The following OSBPL10 variants were observed in gnomAD, a reference collection of about 807,000 sequenced individuals.
OSBPL10 encodes the protein oxysterol-binding protein-related protein 10.
A neutral mutation model predicts 81.7 loss-of-function variants in OSBPL10; 49 were observed. The observed-to-expected ratio is 0.60, with a 90% CI of 0.48 to 0.76. OSBPL10 has a LOEUF of 0.76. Among genes scored for constraint, OSBPL10 ranks in the 30% least tolerant of loss-of-function variants. The pLI is 0.00. For missense variants in OSBPL10, 923 were observed against 987.8 expected (o/e 0.93, Z 0.88); for synonymous variants, 419 against 383.6 (o/e 1.09, Z -1.08).
intron 1 of OSBPL10, among the ~76,000 whole-genome samples, chr3:32,071,817 A>T (rs1699831309): frequency 6.6e-6 from 1 of 151,910 alleles, no homozygotes; most frequent in Non-Finnish European, 1.5e-5. Context: ...AGCCTCCCAC[A>T]TTGTTCCTGA....
In OSBPL10 at chr3:31,694,983, A is replaced by G. The variant is rs896407277; in HGVS notation, c.1245+7376T>C. Among the ~76,000 whole-genome samples the G allele has an allele frequency of 3.3e-5, 5 of 152,062 alleles. No individual in the cohort carries two copies. In the South Asian group the frequency reaches 8.3e-4, roughly 25 times the overall value. ...TGGTCAGGCTGGTCTCAAACTCCCA[A>G]CCTCAGGTGATCCGCCCACCTCAAC... On this transcript the variant is annotated intron_variant, in intron 7 of 11. Transcript: ENST00000396556.
intron 1 of OSBPL10, among the ~76,000 whole-genome samples, chr3:31,951,706 GTTAAT>G (rs921765193): frequency 4.0e-5 from 6 of 150,424 alleles, no homozygotes; most frequent in Non-Finnish European, 3.0e-5. Context: ...ATATATAAAT[GTTAAT>G]TTAAACTATA....
intron 6 of OSBPL10, among the ~76,000 whole-genome samples, chr3:31,729,531 C>G (rs894700099): frequency 7.2e-5 from 11 of 152,160 alleles, no homozygotes; most frequent in African/African-American, 2.7e-4. Flanking sequence ...AAGCAATTCT[C>G]CTGCCTCAGC....
intron 1 of OSBPL10, among the ~76,000 whole-genome samples, chr3:31,916,614 G>A (rs1696765963): frequency 6.6e-6 from 1 of 152,124 alleles, no homozygotes; most frequent in Admixed American, 6.6e-5. Context: ...CAATGAGTAA[G>A]CTAATCAATA....
chr3:32,010,363 C>G (rs1575084950), intron 2 of OSBPL10, among the ~76,000 whole-genome samples: 1 of 152,150 alleles, frequency 6.6e-6, no homozygotes, highest in East Asian at 1.9e-4. Flanking sequence ...TTCATGGCAG[C>G]CCTAGCAGAC....
Position 31,827,299 on chromosome 3 carries a change from C to A in OSBPL10, c.729+2741G>T, listed in dbSNP as rs190691933. ...GATAGACAACAGAGAAAAAACAATACGATAAAGGAAAAAAAAAAGCATACG... is the reference window on the plus strand; with the variant it reads ...GATAGACAACAGAGAAAAAACAATAAGATAAAGGAAAAAAAAAAGCATACG... On this transcript the variant is annotated intron_variant, in intron 4 of 11. Coordinates refer to ENST00000396556, the MANE Select transcript of OSBPL10 (RefSeq NM_017784.5). Among the ~76,000 whole-genome samples, 5 of 151,056 alleles carry A rather than the reference C, an allele frequency of 3.3e-5. No homozygotes were observed. The South Asian group carries it at 1.0e-3, about 32-fold the overall frequency.
chr3:31,703,144 T>C (rs1318058362), intron 6 of OSBPL10, among the ~76,000 whole-genome samples: 1 of 152,164 alleles, frequency 6.6e-6, no homozygotes, highest in Non-Finnish European at 1.5e-5. Context: ...TCGATGCAAG[T>C]TTATTAATTC....
intron 1 of OSBPL10, among the ~76,000 whole-genome samples, chr3:31,927,128 C>T (rs755166258): frequency 6.6e-6 from 1 of 151,922 alleles, no homozygotes; most frequent in African/African-American, 2.4e-5. Context: ...ACAACAACAA[C>T]AAAAAGTCAA....
At chr3:31,766,259 T>C (rs913920291) in intron 4 of OSBPL10, among the ~76,000 whole-genome samples, 5 of 151,270 alleles carry the variant, frequency 3.3e-5, no homozygotes, top group Non-Finnish European at 5.9e-5. Context: ...TGGACACAGA[T>C]CCCCCACTTC....
At chr3:32,034,008 A>G (rs925941711) in intron 2 of OSBPL10, among the ~76,000 whole-genome samples, 4 of 152,188 alleles carry the variant, frequency 2.6e-5, no homozygotes, top group Admixed American at 6.5e-5. Flanking sequence ...ACTTACAATC[A>G]TGGCGGCTGG....
At chr3:31,928,975 CAG>C (rs1559521564) in intron 1 of OSBPL10, among the ~76,000 whole-genome samples, 1 of 152,232 alleles carries the variant, frequency 6.6e-6, no homozygotes, top group East Asian at 1.9e-4. Context: ...AATAGCATCG[CAG>C]AGACATCCAA....
chr3:31,737,698 A>G (rs79919230), intron 5 of OSBPL10, among the ~76,000 whole-genome samples: 9,391 of 152,238 alleles, frequency 0.062, 522 homozygotes, highest in African/African-American at 0.15. Context: ...GAGGCAGAAG[A>G]CAATAGAGAA....
Position 31,673,230 on chromosome 3 carries a change from C to T in OSBPL10, c.1727-2247G>A, listed in dbSNP as rs573228684. Among the ~76,000 whole-genome samples the T allele has an allele frequency of 5.1e-4, 78 of 152,286 alleles. 1 individual carries two copies. The highest frequency in any genetic ancestry group is 1.8e-3 in the African/African-American group (76 of 41,566). On this transcript the variant is annotated intron_variant, in intron 8 of 11. Coordinates refer to ENST00000396556, the MANE Select transcript of OSBPL10 (RefSeq NM_017784.5). ...AGAATTAGACATTGGTGTTTCAATCCTGATAGTTTCTGATCAGGACCCTTG... is the reference window on the plus strand; with the variant it reads ...AGAATTAGACATTGGTGTTTCAATCTTGATAGTTTCTGATCAGGACCCTTG...
intron 3 of OSBPL10, among the ~76,000 whole-genome samples, chr3:31,848,521 T>C (rs892080573): frequency 1.1e-4 from 17 of 152,134 alleles, no homozygotes; most frequent in Admixed American, 2.0e-4. Flanking sequence ...AAATGCCCTA[T>C]TGCATTTAAA....
intron 6 of OSBPL10, among the ~76,000 whole-genome samples, chr3:31,704,422 A>C (rs1695995384): frequency 6.6e-6 from 1 of 152,172 alleles, no homozygotes; most frequent in Non-Finnish European, 1.5e-5. Context: ...TCATGCCAGC[A>C]CCAGCTGGGG....
At chr3:32,014,279 C>T (rs143639729) in intron 2 of OSBPL10, among the ~76,000 whole-genome samples, 3,806 of 152,188 alleles carry the variant, frequency 0.025, 142 homozygotes, top group African/African-American at 0.086. Context: ...TGGGATGCAA[C>T]GCTGGTTCAA....
At chr3:31,726,831 TTTATTA>T (rs142826584) in intron 6 of OSBPL10, among the ~76,000 whole-genome samples, 12,016 of 149,514 alleles carry the variant, frequency 0.08, 1,114 homozygotes, top group African/African-American at 0.23. Context: ...TGTGCAAAAA[TTTATTA>T]TTATTATTAT....
At chr3:31,993,733 G>C (rs2125525057) in intron 2 of OSBPL10, among the ~76,000 whole-genome samples, 1 of 152,154 alleles carries the variant, frequency 6.6e-6, no homozygotes, top group Non-Finnish European at 1.5e-5. Context: ...GTGCTGGTGA[G>C]GATGTGGAGT....
chr3:31,859,261 T>C (rs993648691), intron 3 of OSBPL10, among the ~76,000 whole-genome samples: 7 of 151,872 alleles, frequency 4.6e-5, no homozygotes, highest in African/African-American at 1.7e-4. Flanking sequence ...TCAAAAAAAA[T>C]GGGAAAAGTA....
Sources: gnomAD v4.1 joint callset for allele counts (sites outside exome capture counted in the v4.1 genomes callset) on GRCh38, gnomAD v4.1.1 for gene constraint, MANE v1.5 for transcripts, NCBI Gene and HGNC (gene_info 2026-07-23, HGNC 2026-07-21) for gene names.